Variants in OR6C74 observed in about 807,000 individuals in gnomAD.
OR6C74 encodes olfactory receptor family 6 subfamily C member 74.
For synonymous variants in OR6C74, 142 were observed against 134.2 expected (o/e 1.06, Z -0.40); for missense variants, 361 against 362.9 (o/e 0.99, Z 0.04).
chr12:55,251,254 T>G lies in OR6C74; in HGVS notation c.*3028T>G, dbSNP rs1954309427. ...TTGCAAAACTTCAATCAGTTAAAGT[T>G]AATTAACATGGAGACTTCTGTGGAA... On this transcript the variant is annotated 3_prime_UTR_variant, in exon 2 of 2. Coordinates refer to ENST00000343399, the MANE Select transcript of OR6C74 (RefSeq NM_001005490.2). Among the ~76,000 whole-genome samples the G allele has an allele frequency of 6.6e-6, 1 of 152,120 alleles. No individual in the cohort carries two copies. The highest frequency in any genetic ancestry group is 1.5e-5 in the Non-Finnish European group (1 of 67,984).
Position 55,255,682 on chromosome 12 carries a change from C to T in OR6C74, c.*7456C>T, listed in dbSNP as rs1233918591. 2.6e-5 allele frequency among the ~76,000 whole-genome samples: 4 copies of T among 152,136 alleles called. No individual in the cohort carries two copies. The highest frequency in any genetic ancestry group is 5.9e-5 in the Non-Finnish European group (4 of 68,010). ...GGATGATGCTGGAAACTATCATTCT[C>T]AGCAAACTAACACAAGAACAGAAAA... On this transcript the variant is annotated 3_prime_UTR_variant, in exon 2 of 2. Transcript: ENST00000343399.
At position 55,249,442 on chromosome 12, in the gene OR6C74, T is replaced by A. The variant is rs1954297802; in HGVS notation, c.*1216T>A. Among the ~76,000 whole-genome samples the A allele has an allele frequency of 6.6e-6, 1 of 152,106 alleles. No homozygotes were observed. The highest frequency in any genetic ancestry group is 1.5e-5 in the Non-Finnish European group (1 of 67,996). On this transcript the variant is annotated 3_prime_UTR_variant, in exon 2 of 2. Coordinates refer to ENST00000343399, the MANE Select transcript of OR6C74 (RefSeq NM_001005490.2). ...TTATTTTTCTGACTTATAAAATTAT[T>A]ATATACATTTTATCTTAATGTATTT...
At position 55,252,241 on chromosome 12, in the gene OR6C74, C is replaced by A. The variant is rs1954315884; in HGVS notation, c.*4015C>A. ...GCATACTTTATTATACTTGCAAATA[C>A]TTATGTAATTATTGTGTGAAATGAA... On this transcript the variant is annotated 3_prime_UTR_variant, in exon 2 of 2. Coordinates refer to ENST00000343399, the MANE Select transcript of OR6C74 (RefSeq NM_001005490.2). Among the ~76,000 whole-genome samples the A allele has an allele frequency of 6.6e-6, 1 of 151,612 alleles. No homozygotes were observed. The highest frequency in any genetic ancestry group is 6.6e-5 in the Admixed American group (1 of 15,216).
Position 55,254,323 on chromosome 12 carries a change from G to T in OR6C74, c.*6097G>T, listed in dbSNP as rs747836360. ...ATGTAAGTAAATTGCATACAATAAAGCTGTTCCATATTGCAATTCCTCTAA... is the reference window on the plus strand; with the variant it reads ...ATGTAAGTAAATTGCATACAATAAATCTGTTCCATATTGCAATTCCTCTAA... On this transcript the variant is annotated 3_prime_UTR_variant, in exon 2 of 2. Transcript: ENST00000343399. 5.5e-4 allele frequency among the ~76,000 whole-genome samples: 83 copies of T among 152,096 alleles called. No homozygotes were observed. Among genetic ancestry groups the T allele is most frequent in the South Asian group, 1.2e-3 (6 of 4,824 alleles).
rs1485252114 is a variant in OR6C74, at chr12:55,248,353, C to G, written c.*127C>G. ...TTTTGACTTATAATTTTCATTATGG[C>G]CTTCCTAATCTCCAAAGCCTAACCT... On this transcript the variant is annotated 3_prime_UTR_variant, in exon 2 of 2. Coordinates refer to ENST00000343399, the MANE Select transcript of OR6C74 (RefSeq NM_001005490.2). 1.6e-6 allele frequency: 1 copy of G among 617,506 alleles called. No homozygotes were observed. The highest frequency in any genetic ancestry group is 2.8e-5 in the East Asian group (1 of 35,986). 38.3% of individuals were successfully genotyped at this position (617,506 alleles called of 1,614,324 possible).
In OR6C74 at chr12:55,248,377, C is replaced by G. The variant is rs888652551; in HGVS notation, c.*151C>G. On this transcript the variant is annotated 3_prime_UTR_variant, in exon 2 of 2. Coordinates refer to ENST00000343399, the MANE Select transcript of OR6C74 (RefSeq NM_001005490.2). ...GCCTTCCTAATCTCCAAAGCCTAAC[C>G]TTCACTGCCATTTCTCCCTCATGCT... The G allele has an allele frequency of 3.4e-6, 2 of 580,536 alleles. No homozygotes were observed. The highest frequency in any genetic ancestry group is 3.2e-5 in the Admixed American group (1 of 30,840). The allele number at this position is 580,536 out of a possible 1,614,324, so 36.0% of individuals were successfully genotyped here. A position where few individuals can be genotyped will look rare whatever the true frequency, so the allele number is the denominator to read the frequency against.
At chr12:55,244,907 A>T (rs1332240262) in intron 1 of OR6C74, among the ~76,000 whole-genome samples, 90 bp downstream of exon 1, 2 of 152,106 alleles carry the variant, frequency 1.3e-5, no homozygotes, top group Non-Finnish European at 2.9e-5. Context: ...AATATGGACA[A>T]AAGCAACATA....
Position 55,255,085 on chromosome 12 carries a change from A to T in OR6C74, c.*6859A>T, listed in dbSNP as rs1038748408. Reference sequence around the variant, plus strand: ...TACCTCCCTCCAGGGCAGAAGGGAGATTTGCTTCCTGACTAGGATTATAAA... The same window carrying T: ...TACCTCCCTCCAGGGCAGAAGGGAGTTTTGCTTCCTGACTAGGATTATAAA... On this transcript the variant is annotated 3_prime_UTR_variant, in exon 2 of 2. Transcript: ENST00000343399. Among the ~76,000 whole-genome samples, 1 of 151,878 alleles carries T rather than the reference A, an allele frequency of 6.6e-6. No individual in the cohort carries two copies. Among genetic ancestry groups the T allele is most frequent in the Non-Finnish European group, 1.5e-5 (1 of 67,950 alleles).
Position 55,249,397 on chromosome 12 carries a change from A to C in OR6C74, c.*1171A>C, listed in dbSNP as rs1330011187. Reference sequence around the variant, plus strand: ...CATAAGGTAACTGATAACCTTATGAATAATTCTGACTGGAAGGATTTATTT... The same window carrying C: ...CATAAGGTAACTGATAACCTTATGACTAATTCTGACTGGAAGGATTTATTT... On this transcript the variant is annotated 3_prime_UTR_variant, in exon 2 of 2. Coordinates refer to ENST00000343399, the MANE Select transcript of OR6C74 (RefSeq NM_001005490.2). 6.6e-6 allele frequency among the ~76,000 whole-genome samples: 1 copy of C among 152,152 alleles called. No homozygotes were observed. The highest frequency in any genetic ancestry group is 1.5e-5 in the Non-Finnish European group (1 of 68,010).
Position 55,250,985 on chromosome 12 carries a change from T to C in OR6C74, c.*2759T>C, listed in dbSNP as rs908418125. On this transcript the variant is annotated 3_prime_UTR_variant, in exon 2 of 2. Coordinates refer to ENST00000343399, the MANE Select transcript of OR6C74 (RefSeq NM_001005490.2). ...ATCCTCCACATTGCTAGTAGGATAC[T>C]TTCTAAAATACAAATCAGTCATGCC... 2.0e-5 allele frequency among the ~76,000 whole-genome samples: 3 copies of C among 152,182 alleles called. No homozygotes were observed. The highest frequency in any genetic ancestry group is 2.1e-4 in the South Asian group (1 of 4,824).
Position 55,251,570 on chromosome 12 carries a change from T to C in OR6C74, c.*3344T>C, listed in dbSNP as rs1051141209. Among the ~76,000 whole-genome samples, 3 of 151,860 alleles carry C rather than the reference T, an allele frequency of 2.0e-5. No homozygotes were observed. The highest frequency in any genetic ancestry group is 7.2e-5 in the African/African-American group (3 of 41,386). ...AGGGCTTAATATAAAAATGTAAGCC[T>C]AGATTAAGGATGTCTACTATAAAAT... On this transcript the variant is annotated 3_prime_UTR_variant, in exon 2 of 2. Coordinates refer to ENST00000343399, the MANE Select transcript of OR6C74 (RefSeq NM_001005490.2).
In OR6C74 at chr12:55,249,825, A is replaced by G. The variant is rs1954301166; in HGVS notation, c.*1599A>G. Among the ~76,000 whole-genome samples the G allele has an allele frequency of 6.6e-6, 1 of 152,060 alleles. No homozygotes were observed. The highest frequency in any genetic ancestry group is 6.6e-5 in the Admixed American group (1 of 15,266). The stretch of plus-strand genomic sequence containing the variant: ...AACGTGCAGGTTTGTTAACATATGT[A>G]TACATGTGCCATGTTGGTGTGCTGC... On this transcript the variant is annotated 3_prime_UTR_variant, in exon 2 of 2. Transcript: ENST00000343399.
rs1372389711 is a variant in OR6C74 at position 55,249,561 on chromosome 12, T to C, written c.*1335T>C. Among the ~76,000 whole-genome samples the C allele has an allele frequency of 6.6e-6, 1 of 152,030 alleles. No homozygotes were observed. Among genetic ancestry groups the C allele is most frequent in the Non-Finnish European group, 1.5e-5 (1 of 67,990 alleles). On this transcript the variant is annotated 3_prime_UTR_variant, in exon 2 of 2. Transcript: ENST00000343399. ...GTGAGAAGCTTTAAATATATATATA[T>C]CTAAATAAATATTAACAGGGCACTG...
rs992808128 is a variant in OR6C74, at chr12:55,250,299, T to A, written c.*2073T>A. ...TCTAAGCTCAGCTCTTTTTAAAGTC[T>A]AATATATAGGTAAATCCATAAATCA... On this transcript the variant is annotated 3_prime_UTR_variant, in exon 2 of 2. Coordinates refer to ENST00000343399, the MANE Select transcript of OR6C74 (RefSeq NM_001005490.2). 1.3e-5 allele frequency among the ~76,000 whole-genome samples: 2 copies of A among 152,186 alleles called. No individual in the cohort carries two copies. The highest frequency in any genetic ancestry group is 1.3e-4 in the Admixed American group (2 of 15,278).
At position 55,247,725 on chromosome 12, in the gene OR6C74, A is replaced by G. The variant is rs753257474; in HGVS notation, c.438A>G (p.Ser146=). Residue 146 remains serine (S), a synonymous_variant, in exon 2 of 2, where the codon TCA becomes TCG. Transcript: ENST00000343399. ...SRVCSLLVFA[S]WMAGFLIIFP... ...TTTGCAGCTTGCTGGTCTTTGCTTC[A>G]TGGATGGCTGGCTTCCTAATAATTT... 2 of 1,614,014 alleles carry G rather than the reference A, an allele frequency of 1.2e-6. No individual in the cohort carries two copies. The highest frequency in any genetic ancestry group is 1.3e-5 in the African/African-American group (1 of 75,006).
At position 55,248,223 on chromosome 12, in the gene OR6C74, A is replaced by T; in HGVS notation, c.936A>T (p.Lys312Asn). 1.3e-6 allele frequency: 2 copies of T among 1,578,764 alleles called. No individual in the cohort carries two copies. The highest frequency in any genetic ancestry group is 1.7e-6 in the Non-Finnish European group (2 of 1,150,818). The change falls in exon 2 of 2, where the codon AAA (lysine) becomes AAT (asparagine). Residue 312 changes from lysine (K) to asparagine (N), a missense_variant. By Grantham distance (94) the Lys-to-Asn change is moderately conservative. Transcript: ENST00000343399. ...TVKKIELFSM[K>N] ...AAAAGATTGAACTTTTCTCAATGAA[A>T]TGAATCACTTTAACGATATTATTAA...
Position 55,247,477 on chromosome 12 carries a change from T to C in OR6C74, c.190T>C (p.Phe64Leu). Residue 64 changes from phenylalanine to leucine, a missense_variant, in exon 2 of 2, where the codon TTC becomes CTC. By Grantham distance (22) the Phe-to-Leu change is conservative (BLOSUM62 0). Coordinates refer to ENST00000343399, the MANE Select transcript of OR6C74 (RefSeq NM_001005490.2). ...ACCCATGTATTTCTTCCTCCGAAAT[T>C]TCTCATTTTTAGAAGTCTCATTCAC... is the stretch of plus-strand genomic sequence containing the variant. Reference protein sequence around the residue: ...KTPMYFFLRNFSFLEVSFTTV... With the variant: ...KTPMYFFLRNLSFLEVSFTTV... 6.2e-7 allele frequency: 1 copy of C among 1,613,920 alleles called. No individual in the cohort carries two copies. The highest frequency in any genetic ancestry group is 8.5e-7 in the Non-Finnish European group (1 of 1,179,918).
At chr12:55,245,763 C>G (rs1006085751) in intron 1 of OR6C74, among the ~76,000 whole-genome samples, 1 of 151,622 alleles carries the variant, frequency 6.6e-6, no homozygotes, top group African/African-American at 2.4e-5. Flanking sequence ...GCTTATAACT[C>G]ATCTTTTGTT....
rs528079980 is a variant in OR6C74 at position 55,248,416 on chromosome 12, A to G, written c.*190A>G. ...CTCCCTCATGCTGAGATCACATAGA[A>G]AAGATATTTCTTGGTTTTGGTCAAA... On this transcript the variant is annotated 3_prime_UTR_variant, in exon 2 of 2. Coordinates refer to ENST00000343399, the MANE Select transcript of OR6C74 (RefSeq NM_001005490.2). 4.9e-5 allele frequency: 23 copies of G among 466,976 alleles called. No homozygotes were observed. In the South Asian group the frequency reaches 1.1e-3, roughly 21 times the overall value. 28.9% of individuals were successfully genotyped at this position (466,976 alleles called of 1,614,324 possible). A position where few individuals can be genotyped will look rare whatever the true frequency, so the allele number is the denominator to read the frequency against.
Sources: gnomAD v4.1 joint callset for allele counts (sites outside exome capture counted in the v4.1 genomes callset) on GRCh38, gnomAD v4.1.1 for gene constraint, MANE v1.5 for transcripts, NCBI Gene and HGNC (gene_info 2026-07-23, HGNC 2026-07-21) for gene names.